Variants in SCARA5 observed in about 807,000 individuals in gnomAD.
SCARA5 encodes scavenger receptor class A, member 5 (putative).
In SCARA5, 45 loss-of-function variants were observed where a neutral mutation model predicts 46.3. The observed-to-expected ratio is 0.97, with a 90% CI of 0.76 to 1.24. SCARA5 has a LOEUF of 1.24. SCARA5 is among the 50% of genes most tolerant of loss of function. The probability of loss-of-function intolerance (pLI) is 0.00; values close to 1 mark genes in which losing one functional copy is unlikely to be tolerated. For missense variants in SCARA5, 680 were observed against 689.0 expected (o/e 0.99, Z 0.15); for synonymous variants, 333 against 306.5 (o/e 1.09, Z -0.90).
intron 3 of SCARA5, among the ~76,000 whole-genome samples, chr8:27,942,944 T>C (rs374923173): frequency 6.6e-6 from 1 of 152,198 alleles, no homozygotes. Context: ...CACCTCACCA[T>C]AGTTCTGCAA....
chr8:27,965,379 G>T (rs1808353776), intron 3 of SCARA5, among the ~76,000 whole-genome samples: 1 of 152,210 alleles, frequency 6.6e-6, no homozygotes, highest in Admixed American at 6.5e-5. Context: ...AGTCAGCTCG[G>T]CCTGGCCAGC....
chr8:27,937,701 T>C (rs12677551), intron 3 of SCARA5, among the ~76,000 whole-genome samples: 47,618 of 151,944 alleles, frequency 0.31, 7,939 homozygotes, highest in East Asian at 0.37. Context: ...CAGTCTGAGC[T>C]CCAGGGGTTG....
intron 7 of SCARA5, among the ~76,000 whole-genome samples, chr8:27,900,998 T>C (rs939261882): frequency 5.9e-5 from 9 of 152,000 alleles, no homozygotes; most frequent in African/African-American, 2.2e-4. Context: ...TTCTGAAAAC[T>C]GGTGGGGTGG....
rs907535198 is a variant in SCARA5 at position 27,871,861 on chromosome 8, C to T, written c.*73G>A. 5.0e-5 allele frequency: 81 copies of T among 1,604,476 alleles called. No individual in the cohort carries two copies. The highest frequency in any genetic ancestry group is 4.5e-4 in the Admixed American group (27 of 59,852). ...GGTCGAGGCATGGTCAGGGTGGCCC[C>T]GAGCTGTGCCCCACCCCAGGGATGC... On this transcript the variant is annotated 3_prime_UTR_variant, in exon 9 of 9. Coordinates refer to ENST00000354914, the MANE Select transcript of SCARA5 (RefSeq NM_173833.6).
chr8:27,937,711 G>A (rs558186740), intron 3 of SCARA5, among the ~76,000 whole-genome samples: 12 of 152,284 alleles, frequency 7.9e-5, no homozygotes, highest in African/African-American at 2.9e-4. Context: ...TCCAGGGGTT[G>A]GCAGGGCTGG....
intron 2 of SCARA5, among the ~76,000 whole-genome samples, chr8:27,969,634 C>A (rs1808418610): frequency 6.6e-6 from 1 of 151,968 alleles, no homozygotes; most frequent in African/African-American, 2.4e-5. Context: ...AAGAGTGAAC[C>A]CTAATGTAAA....
rs369332664 is a variant in SCARA5 at position 27,987,464 on chromosome 8, G to A, written c.112+40C>T. 5.5e-6 allele frequency: 8 copies of A among 1,445,322 alleles called. No homozygotes were observed. The African/African-American group carries it at 8.4e-5, about 15-fold the overall frequency. 89.5% of individuals were successfully genotyped at this position (1,445,322 alleles called of 1,614,324 possible). On this transcript the variant is annotated intron_variant, in intron 2 of 8. Coordinates refer to ENST00000354914, the MANE Select transcript of SCARA5 (RefSeq NM_173833.6). ...GGTAGGGCTCCTTCCCCACCCCCAG[G>A]CCAGATCTTGTGCCCCAAGTCTGAG...
chr8:27,975,228 C>T (rs1347763386), intron 2 of SCARA5, among the ~76,000 whole-genome samples: 1 of 152,180 alleles, frequency 6.6e-6, no homozygotes, highest in Admixed American at 6.5e-5. Flanking sequence ...GCAGAGGTTC[C>T]TGGAGGGCAG....
intron 2 of SCARA5, among the ~76,000 whole-genome samples, chr8:27,987,280 G>A (rs928707925): frequency 6.6e-6 from 1 of 152,242 alleles, no homozygotes; most frequent in African/African-American, 2.4e-5. Flanking sequence ...TGTGAAATCT[G>A]TCCATCTGTA....
At chr8:27,987,724 A>C in intron 1 of SCARA5, 94 bp from the exon 2 acceptor site, 1 of 740,230 alleles carries the variant, frequency 1.4e-6, no homozygotes. Context: ...AAATGGATAG[A>C]ACAAGGTGCC....
At chr8:27,963,573 G>A (rs1808322578) in intron 3 of SCARA5, among the ~76,000 whole-genome samples, 1 of 152,168 alleles carries the variant, frequency 6.6e-6, no homozygotes, top group African/African-American at 2.4e-5. Flanking sequence ...TGGTCAGGTT[G>A]GATGATGGGC....
intron 2 of SCARA5, among the ~76,000 whole-genome samples, chr8:27,971,013 A>G (rs1316658356): frequency 1.3e-5 from 2 of 152,226 alleles, no homozygotes; most frequent in Non-Finnish European, 2.9e-5. Flanking sequence ...ATGCTGGGGA[A>G]TACAAAGATG....
intron 2 of SCARA5, among the ~76,000 whole-genome samples, chr8:27,985,476 A>G (rs1415998141): frequency 6.6e-6 from 1 of 152,250 alleles, no homozygotes; most frequent in East Asian, 1.9e-4. Flanking sequence ...AGCCACAGCC[A>G]TGCTTTGCCC....
At position 27,918,909 on chromosome 8, in the gene SCARA5, A is replaced by AGG. The variant is rs1563525294; in HGVS notation, c.916+2661_916+2662insCC. Among the ~76,000 whole-genome samples, 31 of 1,722 alleles carry AGG rather than the reference A, an allele frequency of 0.018. 8 individuals are homozygous for AGG. The East Asian group carries it at 0.18, about 10-fold the overall frequency. The allele number at this position is 1,722 out of a possible 152,430, so 1.1% of individuals were successfully genotyped here. On this transcript the variant is annotated intron_variant, in intron 4 of 8. Transcript: ENST00000354914. ...GAGGAGGGGAAGAAAGAGGAGGAGG[A>AGG]AGGGAAGGAGGAGGAGGAAGATGAG...
At chr8:27,984,789 A>G (rs1018638478) in intron 2 of SCARA5, among the ~76,000 whole-genome samples, 1 of 152,024 alleles carries the variant, frequency 6.6e-6, no homozygotes, top group African/African-American at 2.4e-5. Flanking sequence ...TCATCCATCC[A>G]TTCACCCATT....
intron 2 of SCARA5, among the ~76,000 whole-genome samples, chr8:27,986,973 G>A (rs1391935284): frequency 6.6e-6 from 1 of 152,220 alleles, no homozygotes; most frequent in East Asian, 1.9e-4. Flanking sequence ...GATCTCCAGG[G>A]TTTTAGCAAA....
rs140959357 is a variant in SCARA5 at position 27,964,750 on chromosome 8, G to A, written c.241+1664C>T. ...GCAAGTCTTCTCTTCCCCAAGAGACGATGCCCTTCCAGGACCTCCAGAGGC... is the reference window on the plus strand; with the variant it reads ...GCAAGTCTTCTCTTCCCCAAGAGACAATGCCCTTCCAGGACCTCCAGAGGC... On this transcript the variant is annotated intron_variant, in intron 3 of 8. Coordinates refer to ENST00000354914, the MANE Select transcript of SCARA5 (RefSeq NM_173833.6). Among the ~76,000 whole-genome samples the A allele has an allele frequency of 5.6e-4, 85 of 152,046 alleles. 1 individual carries two copies. In the East Asian group the frequency reaches 0.011, roughly 20 times the overall value.
intron 2 of SCARA5, among the ~76,000 whole-genome samples, chr8:27,981,983 G>A (rs111578734): frequency 6.6e-6 from 1 of 152,156 alleles, no homozygotes; most frequent in Non-Finnish European, 1.5e-5. Flanking sequence ...CAAGTGAACC[G>A]GGGAGATCTG....
rs552427554 is a variant in SCARA5 at position 27,979,715 on chromosome 8, C to T, written c.112+7789G>A. 3.4e-4 allele frequency among the ~76,000 whole-genome samples: 51 copies of T among 152,204 alleles called. No homozygotes were observed. The South Asian group carries it at 0.01, about 30-fold the overall frequency. Reference sequence around the variant, plus strand: ...ATTACAGGCACACACCGCCACGCCACGCCTGGCTAATTTTTTTTGTATTTT... The same window carrying T: ...ATTACAGGCACACACCGCCACGCCATGCCTGGCTAATTTTTTTTGTATTTT... On this transcript the variant is annotated intron_variant, in intron 2 of 8. Transcript: ENST00000354914.
Sources: allele counts gnomAD v4.1 joint callset (sites outside exome capture counted in the v4.1 genomes callset), GRCh38; gene constraint gnomAD v4.1.1; transcripts MANE v1.5; gene names NCBI Gene and HGNC (gene_info 2026-07-23, HGNC 2026-07-21).